The following PASK variants were observed in gnomAD, a reference collection of about 807,000 sequenced individuals.
The protein encoded by PASK is PAS domain-containing serine/threonine-protein kinase.
In PASK, 110 loss-of-function variants were observed where a neutral mutation model predicts 121.0. That is an observed-to-expected ratio of 0.91 (90% CI 0.78 to 1.06). PASK has a LOEUF of 1.06. Ranked by LOEUF, PASK falls within the 50% of genes least tolerant of loss-of-function variation. The pLI is 0.00. For synonymous variants in PASK, 686 were observed against 717.8 expected, an observed-to-expected ratio of 0.96 and a Z score of 0.71; for missense variants, 1,643 against 1,702.3, an observed-to-expected ratio of 0.97 and a Z score of 0.61.
At chr2:241,138,552 T>A in intron 5 of PASK, 102 bp downstream of exon 5, 3 of 1,401,996 alleles carry the variant, frequency 2.1e-6, no homozygotes, top group Non-Finnish European at 3.0e-6. Context: ...CCTCATCCTC[T>A]CTTTCTTCCC....
chr2:241,118,220 A>G (rs937932261), intron 12 of PASK, among the ~76,000 whole-genome samples: 3 of 140,552 alleles, frequency 2.1e-5, no homozygotes, highest in African/African-American at 5.1e-5. Flanking sequence ...ACAAGCTTGG[A>G]AAAAAAAAAA....
At position 241,137,013 on chromosome 2, in the gene PASK, G is replaced by A; in HGVS notation, c.1128C>T (p.Leu376=). ...LTLFGYGKTE[L]LGKNITFLIP... is the part of the protein sequence containing the mutation. ...CCCAGGGCAGCCCCACCTTGCCCAG[G>A]AGCTCCGTCTTTCCGTAACCAAACA... The change falls in exon 7 of 18, where the codon CTC becomes CTT. Residue 376 remains leucine (L), a synonymous_variant. Transcript: ENST00000234040. The A allele has an allele frequency of 6.2e-7, 1 of 1,613,104 alleles. No individual in the cohort carries two copies. Among genetic ancestry groups the A allele is most frequent in the Non-Finnish European group, 8.5e-7 (1 of 1,179,980 alleles).
Position 241,127,296 on chromosome 2 carries a change from A to G in PASK, c.1619T>C (p.Val540Ala). The change falls in exon 10 of 18, where the codon GTG (valine) becomes GCG (alanine). Residue 540 changes from valine to alanine, a missense_variant. By Grantham distance (64) the Val-to-Ala change is moderately conservative. Transcript: ENST00000234040. ...ATCTTCGCAGGAAGCAAATGGCTTC[A>G]CATCCACTGGTTCAGACCTGCTTTC... ...LGESRSEPVD[V>A]KPFASCEDSE... The G allele has an allele frequency of 6.2e-7, 1 of 1,614,256 alleles. No individual in the cohort carries two copies. The highest frequency in any genetic ancestry group is 8.5e-7 in the Non-Finnish European group (1 of 1,180,040).
At chr2:241,134,579 G>C (rs1192522361) in intron 8 of PASK, 1 of 152,232 alleles carries the variant, frequency 6.6e-6, no homozygotes, top group Admixed American at 6.5e-5. Flanking sequence ...AGGCTGGTCA[G>C]TCTCGTGAAG....
rs1477452116 is a variant in PASK, at chr2:241,106,524, A to AT, written c.*41dup. ...ACAGATGGAGCCTGAAAACTGTGTG[A>AT]TTTTCCAAACCAAGTGGAGAAAAGC... On this transcript the variant is annotated 3_prime_UTR_variant, in exon 18 of 18. Coordinates refer to ENST00000234040, the MANE Select transcript of PASK (RefSeq NM_015148.4). The AT allele has an allele frequency of 6.2e-6, 10 of 1,607,176 alleles. No individual in the cohort carries two copies. Among genetic ancestry groups the AT allele is most frequent in the African/African-American group, 2.7e-5 (2 of 74,782 alleles).
At position 241,112,290 on chromosome 2, in the gene PASK, A is replaced by G. The variant is rs1443519704; in HGVS notation, c.3483T>C (p.Thr1161=). ...CACAGTACTCGATGGTCCCACAAAA[A>G]GTATAAAATAATTTTCCCCTTTCCA... ...AYLERGKLFY[T]FCGTIEYCAP... is the part of the protein sequence containing the mutation. Residue 1161 remains threonine (T), a synonymous_variant, in exon 15 of 18, where the codon ACT becomes ACC. Transcript: ENST00000234040. The surrounding 1 kb of genome is among the most constrained non-coding windows in gnomAD (Gnocchi z 5.2). 1.2e-6 allele frequency: 2 copies of G among 1,613,872 alleles called. No homozygotes were observed. Among genetic ancestry groups the G allele is most frequent in the Non-Finnish European group, 1.7e-6 (2 of 1,179,850 alleles).
intron 3 of PASK, 62 bp downstream of exon 3, chr2:241,140,459 G>T: frequency 8.3e-7 from 1 of 1,207,618 alleles, no homozygotes; most frequent in Non-Finnish European, 1.2e-6. Context: ...ACAAATCCCA[G>T]GTTTAAGGCA....
rs1302625482 is a variant in PASK, at chr2:241,114,409, T to TG, written c.3333+633dup. The stretch of plus-strand genomic sequence containing the variant: ...TTTGCTGGTATTTCTCCAGTTCTTC[T>TG]GGGGGAGCTGGGAGCAGTACAGGAT... On this transcript the variant is annotated intron_variant, in intron 14 of 17. Transcript: ENST00000234040. 6 of 986,664 alleles carry TG rather than the reference T, an allele frequency of 6.1e-6. No homozygotes were observed. In the East Asian group the frequency reaches 6.8e-4, roughly 112 times the overall value. The allele number at this position is 986,664 out of a possible 1,614,324, so 61.1% of individuals were successfully genotyped here.
chr2:241,121,867 CAA>C (rs1467600871), intron 12 of PASK, among the ~76,000 whole-genome samples: 1 of 152,168 alleles, frequency 6.6e-6, no homozygotes, highest in Non-Finnish European at 1.5e-5. Flanking sequence ...CAAAGGGAAA[CAA>C]GCAAATCCAC....
In PASK at chr2:241,138,057, CAA is replaced by C; in HGVS notation, c.770_771del (p.Phe257CysfsTer71). The stretch of plus-strand genomic sequence containing the variant: ...CCAGACACGTACCCGTGAAGATGAG[CAA>C]AGAGACTGTCACATGACGTGACGGT... The part of the protein sequence containing the change: ...DGTVTSCDSL[F>X]AHLHGYVSGE... On this transcript the variant is annotated frameshift_variant, in exon 6 of 18. Transcript: ENST00000234040. LOFTEE classifies it high-confidence loss of function. 3 of 1,614,204 alleles carry C rather than the reference CAA, an allele frequency of 1.9e-6. No individual in the cohort carries two copies. The highest frequency in any genetic ancestry group is 2.5e-6 in the Non-Finnish European group (3 of 1,180,018).
At chr2:241,139,856 G>A (rs764297305) in intron 4 of PASK, 29 bp downstream of exon 4, 1 of 1,611,298 alleles carries the variant, frequency 6.2e-7, no homozygotes, top group Non-Finnish European at 8.5e-7. Context: ...CTTGAGGCCA[G>A]ACTGAACGCT....
intron 1 of PASK, among the ~76,000 whole-genome samples, chr2:241,148,772 G>A (rs186933227): frequency 2.0e-4 from 30 of 152,276 alleles, no homozygotes; most frequent in African/African-American, 7.2e-5. Flanking sequence ...CTTAAATTAA[G>A]GTAGCAGCAG....
rs184694513 is a variant in PASK at position 241,131,915 on chromosome 2, G to A, written c.1463+959C>T. ...GTAAAAATACAAAAATTAGCCGGGC[G>A]TGGTGGCAGGTGCCTGTAGTCTCAG... On this transcript the variant is annotated intron_variant, in intron 9 of 17. Coordinates refer to ENST00000234040, the MANE Select transcript of PASK (RefSeq NM_015148.4). Among the ~76,000 whole-genome samples the A allele has an allele frequency of 3.0e-3, 459 of 152,034 alleles. 4 individuals are homozygous for A. Among genetic ancestry groups the A allele is most frequent in the African/African-American group, 0.01 (429 of 41,464 alleles).
Position 241,122,836 on chromosome 2 carries a change from C to G in PASK, c.2968G>C (p.Ala990Pro). The change falls in exon 12 of 18, where the codon GCC (alanine) becomes CCC (proline). Residue 990 changes from alanine (A) to proline (P), a missense_variant. Physicochemically the swap from Ala to Pro is conservative, Grantham distance 27 (BLOSUM62 -1). This residue lies in a region of PASK where 453 missense variants were observed against 511.2 expected (regional missense o/e 0.89). Transcript: ENST00000234040. ...PKAVELEGLA[A>P]CEGEYSQKYS... is the part of the protein sequence containing the mutation. Reference sequence around the variant, plus strand: ...TTTTGGGAGTACTCGCCCTCACAGGCCGCCAACCCCTCCAGTTCCACAGCC... The same window carrying G: ...TTTTGGGAGTACTCGCCCTCACAGGGCGCCAACCCCTCCAGTTCCACAGCC... 6.2e-7 allele frequency: 1 copy of G among 1,614,220 alleles called. No individual in the cohort carries two copies. The highest frequency in any genetic ancestry group is 8.5e-7 in the Non-Finnish European group (1 of 1,180,028).
intron 12 of PASK, among the ~76,000 whole-genome samples, chr2:241,121,770 G>A (rs913305212): frequency 6.6e-6 from 1 of 152,214 alleles, no homozygotes; most frequent in Non-Finnish European, 1.5e-5. Context: ...TTAGGAATTA[G>A]TTCATCAAGA....
intron 12 of PASK, among the ~76,000 whole-genome samples, chr2:241,119,310 G>C (rs1266094542): frequency 1.3e-5 from 2 of 152,148 alleles, no homozygotes; most frequent in Non-Finnish European, 2.9e-5. Context: ...TGCGTGCCCT[G>C]TGCACGCCAC....
upstream of PASK, chr2:241,149,770 C>A: frequency 6.5e-7 from 1 of 1,537,894 alleles, no homozygotes; most frequent in South Asian, 1.2e-5. Context: ...CGCGGGGCGG[C>A]TCGTTCATGG....
At chr2:241,131,880 C>A (rs1018503454) in intron 9 of PASK, among the ~76,000 whole-genome samples, 1 of 150,966 alleles carries the variant, frequency 6.6e-6, no homozygotes, top group Non-Finnish European at 1.5e-5. Flanking sequence ...ATAGTGAAAC[C>A]CCGCCTCTAG....
chr2:241,119,719 C>CT (rs1383406057), intron 12 of PASK, among the ~76,000 whole-genome samples: 4 of 152,208 alleles, frequency 2.6e-5, no homozygotes, highest in Non-Finnish European at 5.9e-5. Context: ...ATCCACCTGC[C>CT]TTGGCCTCCC....
Sources: allele counts gnomAD v4.1 joint callset (sites outside exome capture counted in the v4.1 genomes callset), GRCh38; gene constraint gnomAD v4.1.1; regional missense constraint gnomAD v4.1.1; non-coding constraint Gnocchi (gnomAD v3.1); transcripts MANE v1.5; gene names NCBI Gene and HGNC (gene_info 2026-07-23, HGNC 2026-07-21).